TMTC2: variants seen among roughly 807,000 people sequenced by gnomAD.
TMTC2 encodes protein O-mannosyl-transferase TMTC2.
Under a neutral mutation model 82.4 loss-of-function variants are expected in TMTC2, and 43 were observed. The ratio of observed to expected loss-of-function variants is 0.52; its 90% CI spans 0.41 to 0.67. TMTC2 has a LOEUF of 0.67. TMTC2 is among the 30% of genes least tolerant of loss of function. The pLI, the probability that TMTC2 is intolerant of heterozygous loss-of-function variation, is 0.00. For missense variants in TMTC2, 919 were observed against 1,012.4 expected, an observed-to-expected ratio of 0.91 and a Z score of 1.25; for synonymous variants, 408 against 381.9, an observed-to-expected ratio of 1.07 and a Z score of -0.80.
At chr12:82,760,978 A>G (rs1228311231) in intron 1 of TMTC2, 1 of 179,486 alleles carries the variant, frequency 5.6e-6, no homozygotes, top group Non-Finnish European at 1.1e-5. Flanking sequence ...TAATGTAATA[A>G]TAATAAAGTA....
At chr12:83,113,637 G>A (rs935816064) in intron 11 of TMTC2, among the ~76,000 whole-genome samples, 11 of 152,198 alleles carry the variant, frequency 7.2e-5, no homozygotes, top group Admixed American at 2.6e-4. Flanking sequence ...AGAGTACAGC[G>A]TGGCTTCACC....
intron 1 of TMTC2, among the ~76,000 whole-genome samples, chr12:82,695,140 T>C (rs139271901): frequency 1.3e-5 from 2 of 152,366 alleles, no homozygotes; most frequent in African/African-American, 4.8e-5. Context: ...ACAGCCATGT[T>C]TCAACATTGT....
intron 3 of TMTC2, among the ~76,000 whole-genome samples, chr12:82,915,459 T>G (rs1177535134): frequency 6.6e-6 from 1 of 152,218 alleles, no homozygotes; most frequent in Non-Finnish European, 1.5e-5. Context: ...AACGTAGATT[T>G]CGGACATTTT....
chr12:82,891,395 G>A (rs1411708585), intron 2 of TMTC2, among the ~76,000 whole-genome samples: 3 of 152,056 alleles, frequency 2.0e-5, no homozygotes, highest in Admixed American at 2.0e-4. Flanking sequence ...TGCAACCTCC[G>A]CCTCCTGGGT....
At chr12:83,002,201 TTGAAAATTGTG>T (rs1359857467) in intron 8 of TMTC2, among the ~76,000 whole-genome samples, 5 of 152,200 alleles carry the variant, frequency 3.3e-5, no homozygotes, top group Non-Finnish European at 5.9e-5. Context: ...TGGTTAAATC[TTGAAAATTGTG>T]TGTCTCCAGG....
chr12:82,754,464 T>G (rs3924492), intron 1 of TMTC2, among the ~76,000 whole-genome samples: 123,565 of 152,064 alleles, frequency 0.81, 50,336 homozygotes, highest in East Asian at 0.99. Flanking sequence ...GCCGGGTGTG[T>G]TGGCTCATTC....
At chr12:82,904,049 TA>T (rs1874168126) in intron 3 of TMTC2, among the ~76,000 whole-genome samples, 1 of 152,196 alleles carries the variant, frequency 6.6e-6, no homozygotes. Context: ...AGGTTTCTTA[TA>T]TTTTTTTCTG....
Position 82,908,841 on chromosome 12 carries a change from G to T in TMTC2, c.1483+12195G>T, listed in dbSNP as rs572030304. 2.5e-3 allele frequency among the ~76,000 whole-genome samples: 384 copies of T among 151,572 alleles called. 1 individual carries two copies. Among genetic ancestry groups the T allele is most frequent in the African/African-American group, 8.8e-3 (365 of 41,344 alleles). ...TTGATTTAATTTCTTTCATAGTTTT[G>T]GAAAGAGCCAAATTTGCTTTTGGGT... On this transcript the variant is annotated intron_variant, in intron 3 of 11. Coordinates refer to ENST00000321196, the MANE Select transcript of TMTC2 (RefSeq NM_152588.3).
intron 3 of TMTC2, among the ~76,000 whole-genome samples, chr12:82,922,683 A>G (rs953907398): frequency 2.0e-5 from 3 of 152,218 alleles, no homozygotes; most frequent in Non-Finnish European, 4.4e-5. Flanking sequence ...GATTTAAAAT[A>G]TACCTTTGAT....
chr12:82,970,710 C>T (rs1039996930), intron 7 of TMTC2, among the ~76,000 whole-genome samples: 2 of 152,212 alleles, frequency 1.3e-5, no homozygotes, highest in Non-Finnish European at 2.9e-5. Context: ...GATATGACTA[C>T]TTCATAGACA....
intron 11 of TMTC2, 103 bp from the exon 12 acceptor site, chr12:83,132,107 G>T: frequency 7.4e-7 from 1 of 1,355,332 alleles, no homozygotes. Context: ...AATGCCTCTA[G>T]ACATAAGGGA....
intron 1 of TMTC2, among the ~76,000 whole-genome samples, chr12:82,802,785 G>T (rs750283053): frequency 2.6e-5 from 4 of 152,080 alleles, no homozygotes; most frequent in Non-Finnish European, 4.4e-5. Flanking sequence ...GCACGCTAAG[G>T]GGTTTAGACT....
At chr12:83,113,310 A>G (rs937027281) in intron 11 of TMTC2, among the ~76,000 whole-genome samples, 4 of 152,212 alleles carry the variant, frequency 2.6e-5, no homozygotes, top group Non-Finnish European at 4.4e-5. Context: ...TTTGGAAGCT[A>G]TTACTCAGAA....
chr12:83,064,243 T>C (rs1046149532), intron 11 of TMTC2, among the ~76,000 whole-genome samples: 3 of 151,884 alleles, frequency 2.0e-5, no homozygotes, highest in African/African-American at 7.2e-5. Flanking sequence ...TGAAAGACAC[T>C]TGGATACTAC....
chr12:82,965,238 C>A (rs1878138017), intron 5 of TMTC2, 129 bp downstream of exon 5: 4 of 695,534 alleles, frequency 5.8e-6, no homozygotes, highest in Non-Finnish European at 9.8e-6. Context: ...AGATTATGAA[C>A]CTCTAACAAT....
At chr12:82,952,514 C>T (rs544967869) in intron 4 of TMTC2, among the ~76,000 whole-genome samples, 21 of 152,130 alleles carry the variant, frequency 1.4e-4, no homozygotes, top group African/African-American at 4.6e-4. Context: ...TATACATACA[C>T]ACACAGACAC....
chr12:82,788,185 G>A (rs1041907055), intron 1 of TMTC2, among the ~76,000 whole-genome samples: 2 of 151,982 alleles, frequency 1.3e-5, no homozygotes, highest in African/African-American at 2.4e-5. Context: ...ATAAAAATAT[G>A]TATTATTTTG....
At chr12:82,756,580 G>T (rs189646915) in intron 1 of TMTC2, among the ~76,000 whole-genome samples, 145 of 152,316 alleles carry the variant, frequency 9.5e-4, no homozygotes, top group African/African-American at 3.2e-3. Context: ...AGCATCAGCA[G>T]AGTATCCTGA....
intron 8 of TMTC2, among the ~76,000 whole-genome samples, chr12:83,010,184 AT>A (rs1158205741): frequency 2.0e-5 from 3 of 152,066 alleles, no homozygotes; most frequent in Non-Finnish European, 4.4e-5. Flanking sequence ...CTCTATATCT[AT>A]TTTTTTATCT....
Sources: allele counts gnomAD v4.1 joint callset (sites outside exome capture counted in the v4.1 genomes callset), GRCh38; gene constraint gnomAD v4.1.1; transcripts MANE v1.5; gene names NCBI Gene and HGNC (gene_info 2026-07-23, HGNC 2026-07-21).